NLN: variants seen among roughly 807,000 people sequenced by gnomAD.
NLN encodes the protein neurolysin, mitochondrial.
In NLN, 64 loss-of-function variants were observed where a neutral mutation model predicts 79.9. The ratio of observed to expected loss-of-function variants is 0.80; its 90% CI spans 0.65 to 0.99. The LOEUF (loss-of-function observed/expected upper bound fraction) is 0.99. Ranked by LOEUF, NLN falls within the 50% of genes least tolerant of loss-of-function variation. The pLI, the probability that NLN is intolerant of heterozygous loss-of-function variation, is 0.00. For synonymous variants in NLN, 267 were observed against 296.6 expected (o/e 0.90, Z 1.02); for missense variants, 835 against 858.7 (o/e 0.97, Z 0.34).
rs1364281910 is a variant in NLN at position 65,823,159 on chromosome 5, A to G, written c.*244A>G. 2.6e-6 allele frequency: 1 copy of G among 387,188 alleles called. No individual in the cohort carries two copies. Among genetic ancestry groups the G allele is most frequent in the African/African-American group, 2.1e-5 (1 of 47,900 alleles). The allele number at this position is 387,188 out of a possible 1,614,324, so 24.0% of individuals were successfully genotyped here. The stretch of plus-strand genomic sequence containing the variant: ...ATAAAACTGGATTTGATTTCTTTTT[A>G]TGAAAGTTTCATATGAATGTAACTT... On this transcript the variant is annotated 3_prime_UTR_variant, in exon 13 of 13. Transcript: ENST00000380985.
At chr5:65,755,420 T>C (rs1000436078) in intron 1 of NLN, among the ~76,000 whole-genome samples, 2 of 152,176 alleles carry the variant, frequency 1.3e-5, no homozygotes, top group Non-Finnish European at 2.9e-5. Context: ...GGAACATGCG[T>C]ATAAGGAAAC....
At chr5:65,784,652 A>G (rs192572291) in intron 6 of NLN, among the ~76,000 whole-genome samples, 1 of 152,332 alleles carries the variant, frequency 6.6e-6, no homozygotes, top group African/African-American at 2.4e-5. Context: ...CACTACCTCA[A>G]AAGGGATTAT....
At chr5:65,726,280 A>G (rs2548783) in intron 1 of NLN, among the ~76,000 whole-genome samples, 35,982 of 152,074 alleles carry the variant, frequency 0.24, 4,392 homozygotes, top group African/African-American at 0.27. Context: ...TATAACTCAA[A>G]GGTAGAGATT....
At chr5:65,794,124 G>C (rs892449562) in intron 9 of NLN, among the ~76,000 whole-genome samples, 1 of 152,186 alleles carries the variant, frequency 6.6e-6, no homozygotes, top group Non-Finnish European at 1.5e-5. Context: ...ACCCTGAATG[G>C]AGCAGCAGCA....
chr5:65,723,354 A>G (rs569668190), intron 1 of NLN, among the ~76,000 whole-genome samples: 44 of 152,302 alleles, frequency 2.9e-4, no homozygotes, highest in Admixed American at 2.4e-3. Context: ...GGCAGGCGAC[A>G]GTGGTTAATT....
Position 65,762,995 on chromosome 5 carries a change from T to C in NLN, c.337T>C (p.Ser113Pro). 2.5e-6 allele frequency: 4 copies of C among 1,614,038 alleles called. No homozygotes were observed. In the South Asian group the frequency reaches 3.3e-5, roughly 13 times the overall value. Residue 113 changes from serine (S) to proline (P), a missense_variant, in exon 3 of 13, where the codon TCC becomes CCC. Ser to Pro is a moderately conservative substitution (Grantham distance 74). Coordinates refer to ENST00000380985, the MANE Select transcript of NLN (RefSeq NM_020726.5). ...RTMLDFPQHV[S>P]SDKEVRAAST... ...CATGCTAGACTTTCCCCAGCATGTA[T>C]CCTCTGACAAAGAAGTACGAGCAGC...
At chr5:65,814,815 T>G (rs551750386) in intron 12 of NLN, among the ~76,000 whole-genome samples, 2 of 152,296 alleles carry the variant, frequency 1.3e-5, no homozygotes, top group South Asian at 4.1e-4. Flanking sequence ...CAATAAGCTT[T>G]TACTATGTCT....
At chr5:65,809,899 A>C in intron 10 of NLN, 138 bp from the exon 11 acceptor site, 1 of 1,099,688 alleles carries the variant, frequency 9.1e-7, no homozygotes, top group South Asian at 1.6e-5. Flanking sequence ...CTCCTTTTAA[A>C]TCTTAAGTAG....
intron 1 of NLN, among the ~76,000 whole-genome samples, chr5:65,748,753 A>T (rs1421932737): frequency 6.6e-6 from 1 of 152,192 alleles, no homozygotes; most frequent in Non-Finnish European, 1.5e-5. Context: ...ACCCTGTCCC[A>T]AAAAGAAAAG....
chr5:65,750,439 C>T (rs546091211), intron 1 of NLN, among the ~76,000 whole-genome samples: 5 of 152,350 alleles, frequency 3.3e-5, no homozygotes, highest in African/African-American at 1.2e-4. Flanking sequence ...GATAAGTTGG[C>T]CTGGCACGAT....
chr5:65,755,795 G>A (rs1305969845), intron 1 of NLN, among the ~76,000 whole-genome samples: 1 of 152,158 alleles, frequency 6.6e-6, no homozygotes, highest in Non-Finnish European at 1.5e-5. Context: ...CTTGTGGAGA[G>A]TAAGTTGAAG....
chr5:65,749,223 C>T (rs558123854), intron 1 of NLN, among the ~76,000 whole-genome samples: 8 of 152,258 alleles, frequency 5.3e-5, no homozygotes, highest in African/African-American at 1.2e-4. Context: ...AATACAGGGA[C>T]TGTAGAGCTA....
At chr5:65,739,123 G>A (rs182196510) in intron 1 of NLN, among the ~76,000 whole-genome samples, 89 of 148,440 alleles carry the variant, frequency 6.0e-4, no homozygotes, top group African/African-American at 2.0e-3. Flanking sequence ...GGCTGGTTTC[G>A]AACTTCTGAC....
intron 1 of NLN, among the ~76,000 whole-genome samples, chr5:65,736,992 CT>C (rs1452139931): frequency 6.6e-6 from 1 of 152,060 alleles, no homozygotes; most frequent in Non-Finnish European, 1.5e-5. Flanking sequence ...ATGGTCCCAG[CT>C]ACTCGGAAGG....
intron 3 of NLN, among the ~76,000 whole-genome samples, chr5:65,775,770 G>A (rs1227354829): frequency 2.0e-5 from 3 of 152,182 alleles, no homozygotes; most frequent in Admixed American, 6.5e-5. Context: ...GGCACCTGCT[G>A]CTAGCATCCC....
At chr5:65,795,746 G>T (rs187212767) in intron 9 of NLN, among the ~76,000 whole-genome samples, 13 of 152,090 alleles carry the variant, frequency 8.5e-5, no homozygotes, top group Non-Finnish European at 5.9e-5. Context: ...AATATTTATC[G>T]TGTGGACCTT....
chr5:65,747,547 G>A (rs184283634), intron 1 of NLN, among the ~76,000 whole-genome samples: 17 of 152,266 alleles, frequency 1.1e-4, no homozygotes, highest in Non-Finnish European at 2.1e-4. Context: ...TAACAGTTGT[G>A]CAACCTGAGG....
intron 6 of NLN, 119 bp from the exon 7 acceptor site, chr5:65,785,656 T>C (rs1759902926): frequency 1.4e-6 from 1 of 708,434 alleles, no homozygotes; most frequent in Non-Finnish European, 2.1e-6. Context: ...GAAATTTAAA[T>C]GGTCTAAAAA....
At chr5:65,769,172 A>G (rs1198321405) in intron 3 of NLN, among the ~76,000 whole-genome samples, 2 of 152,220 alleles carry the variant, frequency 1.3e-5, no homozygotes, top group Non-Finnish European at 2.9e-5. Context: ...ATGGGTTGAC[A>G]AGTCACCGCA....
Sources: gnomAD v4.1 joint callset for allele counts (sites outside exome capture counted in the v4.1 genomes callset) on GRCh38, gnomAD v4.1.1 for gene constraint, MANE v1.5 for transcripts, NCBI Gene and HGNC (gene_info 2026-07-23, HGNC 2026-07-21) for gene names.